Variants in GLT8D1 observed in about 807,000 individuals in gnomAD.
GLT8D1 encodes the protein glycosyltransferase 8 domain-containing protein 1.
Under a neutral mutation model 46.2 loss-of-function variants are expected in GLT8D1, and 41 were observed. The observed-to-expected ratio is 0.89, with a 90% CI of 0.69 to 1.15. GLT8D1 has a LOEUF of 1.15. GLT8D1 is among the 50% of genes most tolerant of loss of function. GLT8D1 has a pLI of 0.00. For missense variants in GLT8D1, 408 were observed against 449.3 expected, an observed-to-expected ratio of 0.91 and a Z score of 0.83; for synonymous variants, 150 against 154.2, an observed-to-expected ratio of 0.97 and a Z score of 0.20.
At chr3:52,699,287 CTCT>C (rs1561266597) in intron 3 of GLT8D1, among the ~76,000 whole-genome samples, 1 of 151,792 alleles carries the variant, frequency 6.6e-6, no homozygotes, top group Non-Finnish European at 1.5e-5. Flanking sequence ...ATACTGTTGT[CTCT>C]TTTTTTTTTT....
At chr3:52,696,416 A>G (rs752069319) in intron 5 of GLT8D1, 98 bp from the exon 6 acceptor site, 46 of 1,049,854 alleles carry the variant, frequency 4.4e-5, no homozygotes, top group Non-Finnish European at 6.6e-5. Context: ...ATTCAGGAGA[A>G]GAAAGGACTC....
rs577574029 is a variant in GLT8D1 at position 52,704,455 on chromosome 3, C to A, written c.-37+992G>T. ...GCCTGGGCAACAGAGCGAGTCTTCG[C>A]CTCAAAAAAAAAAAAAAAAAAAAAA... On this transcript the variant is annotated intron_variant, in intron 1 of 9. Transcript: ENST00000266014. Among the ~76,000 whole-genome samples, 5 of 114,816 alleles carry A rather than the reference C, an allele frequency of 4.4e-5. No homozygotes were observed. In the South Asian group the frequency reaches 8.3e-4, roughly 19 times the overall value. 75.3% of individuals were successfully genotyped at this position (114,816 alleles called of 152,430 possible). A position where few individuals can be genotyped will look rare whatever the true frequency, so the allele number is the denominator to read the frequency against.
intron 4 of GLT8D1, 36 bp from the exon 5 acceptor site, chr3:52,696,695 T>G (rs374087931): frequency 1.8e-6 from 2 of 1,140,836 alleles, no homozygotes; most frequent in African/African-American, 3.0e-5. Flanking sequence ...TAGTTTCAAA[T>G]AATGTCTCCA....
Position 52,696,246 on chromosome 3 carries a change from C to T in GLT8D1, c.520G>A (p.Val174Ile), listed in dbSNP as rs1208749999. The change falls in exon 6 of 10, where the codon GTA (valine) becomes ATA (isoleucine). Residue 174 changes from valine (V) to isoleucine (I), a missense_variant. Val to Ile is a conservative substitution (Grantham distance 29). Transcript: ENST00000266014. The part of the protein sequence containing the change: ...AKKAIYMDDD[V>I]IVQGDILALY... ...ACATTTTTGATACCTTGCACAATTA[C>T]ATCATCATCCATGTATATGGCCTTC... The T allele has an allele frequency of 3.1e-6, 5 of 1,604,392 alleles. No individual in the cohort carries two copies. The highest frequency in any genetic ancestry group is 4.3e-6 in the Non-Finnish European group (5 of 1,171,112).
rs774962245 is a variant in GLT8D1, at chr3:52,694,871, A to G, written c.1090T>C (p.Tyr364His). 2 of 1,611,926 alleles carry G rather than the reference A, an allele frequency of 1.2e-6. No individual in the cohort carries two copies. Among genetic ancestry groups the G allele is most frequent in the Admixed American group, 3.3e-5 (2 of 60,012 alleles). The change falls in exon 10 of 10, where the codon TAT becomes CAT. Residue 364 changes from tyrosine (Y) to histidine (H), a missense_variant. Coordinates refer to ENST00000266014, the MANE Select transcript of GLT8D1 (RefSeq NM_018446.4). ...CACTTTATGTTTGAGATCTCGGTAT[A>G]TCTTCGGATTAGGTTGAATTTGCCT... ...PTGKFNLIRR[Y>H]TEISNIK is the part of the protein sequence containing the mutation.
At position 52,697,744 on chromosome 3, in the gene GLT8D1, G is replaced by A. The variant is rs758795925; in HGVS notation, c.306C>T (p.Leu102=). 5.6e-6 allele frequency: 9 copies of A among 1,610,458 alleles called. No homozygotes were observed. In the South Asian group the frequency reaches 8.8e-5, roughly 16 times the overall value. The change falls in exon 4 of 10, where the codon CTC becomes CTT. Residue 102 remains leucine (L), a synonymous_variant. Coordinates refer to ENST00000266014, the MANE Select transcript of GLT8D1 (RefSeq NM_018446.4). ...RSNVIFYIVT[L]NNTADHLRSW... is the part of the protein sequence containing the mutation. ...ACCGGAGATGGTCTGCTGTATTGTT[G>A]AGAGTAACAATGTAGAAAATCACAT...
chr3:52,700,425 A>T lies in GLT8D1; in HGVS notation c.16+20T>A. On this transcript the variant is annotated intron_variant, in intron 2 of 9. Coordinates refer to ENST00000266014, the MANE Select transcript of GLT8D1 (RefSeq NM_018446.4). ...CTTTGACCAGGTATAAAAACAACTT[A>T]ACTTGTAGAAAGAGCATACCTTTAC... The T allele has an allele frequency of 1.3e-6, 2 of 1,596,048 alleles. No homozygotes were observed. The highest frequency in any genetic ancestry group is 1.7e-6 in the Non-Finnish European group (2 of 1,164,472).
chr3:52,695,008 G>A lies in GLT8D1; in HGVS notation c.953C>T (p.Pro318Leu), dbSNP rs1177811466. The A allele has an allele frequency of 1.2e-6, 2 of 1,612,162 alleles. No individual in the cohort carries two copies. Among genetic ancestry groups the A allele is most frequent in the Non-Finnish European group, 8.5e-7 (1 of 1,178,356 alleles). Residue 318 changes from proline to leucine, a missense_variant, in exon 10 of 10, where the codon CCT becomes CTT. Coordinates refer to ENST00000266014, the MANE Select transcript of GLT8D1 (RefSeq NM_018446.4). Reference protein sequence around the residue: ...LGSSAGKRYSPQFVKAAKLLH... With the variant: ...LGSSAGKRYSLQFVKAAKLLH... ...TAACTTGGCAGCCTTTACAAACTGA[G>A]GTGAATATCGTTTTCCAGCACTGGA...
At chr3:52,700,232 C>G (rs564548558) in intron 3 of GLT8D1, 30 bp downstream of exon 3, 2 of 1,371,990 alleles carry the variant, frequency 1.5e-6, no homozygotes, top group Admixed American at 1.8e-5. Context: ...GCAACAGATT[C>G]TAAGGCATTA....
intron 7 of GLT8D1, 45 bp downstream of exon 7, chr3:52,695,883 A>G (rs1428394355): frequency 8.8e-7 from 1 of 1,138,620 alleles, no homozygotes; most frequent in South Asian, 1.3e-5. Flanking sequence ...ACCTCTTCCC[A>G]TTAAACAATA....
At chr3:52,697,230 A>T (rs1000525756) in intron 4 of GLT8D1, among the ~76,000 whole-genome samples, 1 of 152,232 alleles carries the variant, frequency 6.6e-6, no homozygotes, top group Non-Finnish European at 1.5e-5. Context: ...AGTAAGTTTT[A>T]TAAGTCTTAT....
At chr3:52,702,185 G>A (rs554362359) in intron 1 of GLT8D1, among the ~76,000 whole-genome samples, 202 of 152,296 alleles carry the variant, frequency 1.3e-3, no homozygotes, top group Middle Eastern at 6.8e-3. Flanking sequence ...AAAATTGTGT[G>A]CCTACCAGGC....
intron 1 of GLT8D1, chr3:52,701,403 C>G (rs996509064): frequency 1.3e-5 from 2 of 151,780 alleles, no homozygotes; most frequent in African/African-American, 4.8e-5. Flanking sequence ...GAGTCTTGTT[C>G]TGTCGTCCAG....
intron 2 of GLT8D1, 35 bp downstream of exon 2, chr3:52,700,410 G>C: frequency 6.3e-7 from 1 of 1,593,448 alleles, no homozygotes; most frequent in Non-Finnish European, 8.6e-7. Context: ...CTTTGACCAG[G>C]TATAAAAACA....
chr3:52,695,134 T>C, intron 9 of GLT8D1, 56 bp downstream of exon 9: 6 of 1,444,658 alleles, frequency 4.2e-6, no homozygotes, highest in Middle Eastern at 1.7e-4. Flanking sequence ...TCCCTGAGGA[T>C]AGTTCTTTAG....
intron 6 of GLT8D1, 59 bp from the exon 7 acceptor site, chr3:52,696,099 T>C: frequency 2.5e-6 from 3 of 1,187,460 alleles, no homozygotes; most frequent in South Asian, 2.5e-5. Flanking sequence ...TCCCTGTTAC[T>C]CCCACTTCTC....
At chr3:52,696,129 G>A in intron 6 of GLT8D1, 89 bp from the exon 7 acceptor site, 1 of 1,165,030 alleles carries the variant, frequency 8.6e-7, no homozygotes, top group Non-Finnish European at 1.3e-6. Flanking sequence ...ACCTTTTATA[G>A]AAGACCATAA....
chr3:52,695,577 A>G lies in GLT8D1; in HGVS notation c.656T>C (p.Ile219Thr). The G allele has an allele frequency of 1.9e-6, 3 of 1,594,138 alleles. No individual in the cohort carries two copies. The highest frequency in any genetic ancestry group is 1.1e-5 in the South Asian group (1 of 90,486). Residue 219 changes from isoleucine to threonine, a missense_variant, in exon 8 of 10, where the codon ATT becomes ACT. Ile to Thr is a moderately conservative substitution (Grantham distance 89). Transcript: ENST00000266014. Reference protein sequence around the residue: ...IRGAGNQYNYIGYLDYKKERI... With the variant: ...IRGAGNQYNYTGYLDYKKERI... ...TTCCTTTTTATAGTCAAGATAGCCA[A>G]TGTAATTGTACTAAAAACACAAATA... is the stretch of plus-strand genomic sequence containing the variant.
In GLT8D1 at chr3:52,700,339, A is replaced by G; in HGVS notation, c.38T>C (p.Leu13Pro). 6.2e-7 allele frequency: 1 copy of G among 1,613,636 alleles called. No individual in the cohort carries two copies. The highest frequency in any genetic ancestry group is 8.5e-7 in the Non-Finnish European group (1 of 1,179,542). Residue 13 changes from leucine to proline, a missense_variant, in exon 3 of 10, where the codon CTG becomes CCG. Physicochemically the swap from Leu to Pro is moderately conservative, Grantham distance 98. Transcript: ENST00000266014. The part of the protein sequence containing the change: ...FRKVNIIILV[L>P]AVALFLLVLH... Reference sequence around the variant, plus strand: ...AACCAGTAAGAAGAGAGCAACAGCCAGGACCAAGATGATGATGTTTACTGA... The same window carrying G: ...AACCAGTAAGAAGAGAGCAACAGCCGGGACCAAGATGATGATGTTTACTGA...
Sources: gnomAD v4.1 joint callset for allele counts (sites outside exome capture counted in the v4.1 genomes callset) on GRCh38, gnomAD v4.1.1 for gene constraint, MANE v1.5 for transcripts, NCBI Gene and HGNC (gene_info 2026-07-23, HGNC 2026-07-21) for gene names.